RANBP17: variants seen among roughly 807,000 people sequenced by gnomAD.
The protein encoded by RANBP17 is ran-binding protein 17.
In RANBP17, 158 loss-of-function variants were observed where a neutral mutation model predicts 141.2. The observed-to-expected ratio is 1.12, with a 90% CI of 0.98 to 1.28. The LOEUF is 1.28. Ranked by LOEUF, RANBP17 falls within the 50% of genes most tolerant of loss-of-function variation. The pLI, the probability that RANBP17 is intolerant of heterozygous loss-of-function variation, is 0.00. For synonymous variants in RANBP17, 430 were observed against 450.0 expected, an observed-to-expected ratio of 0.96 and a Z score of 0.56; for missense variants, 1,438 against 1,290.7, an observed-to-expected ratio of 1.11 and a Z score of -1.75.
At chr5:170,880,706 A>C (rs1307182198) in intron 2 of RANBP17, among the ~76,000 whole-genome samples, 1 of 152,246 alleles carries the variant, frequency 6.6e-6, no homozygotes, top group African/African-American at 2.4e-5. Context: ...CATTACATAA[A>C]AAGCACATTG....
intron 14 of RANBP17, among the ~76,000 whole-genome samples, chr5:170,974,914 C>A (rs1481798950): frequency 6.6e-6 from 1 of 152,074 alleles, no homozygotes; most frequent in Non-Finnish European, 1.5e-5. Context: ...CCTGTGAGTA[C>A]CCATGGCCCT....
At chr5:170,960,867 C>T (rs1444154378) in intron 13 of RANBP17, among the ~76,000 whole-genome samples, 2 of 152,172 alleles carry the variant, frequency 1.3e-5, no homozygotes, top group African/African-American at 4.8e-5. Context: ...GAACATTATA[C>T]AGCTGAGTAG....
At position 171,265,725 on chromosome 5, in the gene RANBP17, G is replaced by A. The variant is rs141341938; in HGVS notation, c.2821G>A (p.Val941Ile). ...CTGCTGTACCAGTTTAGACTACATC[G>A]TCACCTACCTCTTCAAGCACATAGC... ...SSCCTSLDYI[V>I]TYLFKHIAKE... Residue 941 changes from valine to isoleucine, a missense_variant, in exon 25 of 28, where the codon GTC becomes ATC. Transcript: ENST00000523189. 1.9e-5 allele frequency: 31 copies of A among 1,613,858 alleles called. No individual in the cohort carries two copies. Among genetic ancestry groups the A allele is most frequent in the African/African-American group, 1.9e-4 (14 of 74,858 alleles).
chr5:170,871,927 C>A (rs951610683), intron 1 of RANBP17, among the ~76,000 whole-genome samples: 1 of 152,064 alleles, frequency 6.6e-6, no homozygotes, highest in African/African-American at 2.4e-5. Context: ...TGTAGCCTTG[C>A]AGTATAGTCT....
intron 18 of RANBP17, among the ~76,000 whole-genome samples, chr5:171,191,556 G>T (rs551025485): frequency 6.6e-6 from 1 of 152,012 alleles, no homozygotes; most frequent in African/African-American, 2.4e-5. Context: ...GCGTCATGGC[G>T]GGTCTCTGTA....
At chr5:171,088,142 T>A (rs1397550465) in intron 14 of RANBP17, among the ~76,000 whole-genome samples, 1 of 152,014 alleles carries the variant, frequency 6.6e-6, no homozygotes, top group East Asian at 1.9e-4. Context: ...CTTCAGGAGC[T>A]CTTTTAGGGC....
chr5:170,865,597 T>C lies in RANBP17; in HGVS notation c.18+3546T>C, dbSNP rs1341928783. 2.6e-5 allele frequency among the ~76,000 whole-genome samples: 4 copies of C among 152,118 alleles called. No individual in the cohort carries two copies. In the South Asian group the frequency reaches 6.2e-4, roughly 24 times the overall value. On this transcript the variant is annotated intron_variant, in intron 1 of 27. Transcript: ENST00000523189. The stretch of plus-strand genomic sequence containing the variant: ...AAAATATTGCTTGATCTACTGTCTG[T>C]GAATATCAGGGGGAGGTGTTGAGTT...
At chr5:171,210,109 G>T (rs1443226948) in intron 20 of RANBP17, among the ~76,000 whole-genome samples, 2 of 152,176 alleles carry the variant, frequency 1.3e-5, no homozygotes, top group African/African-American at 4.8e-5. Flanking sequence ...TCATAGAGAA[G>T]ATCTCAGTGA....
intron 14 of RANBP17, among the ~76,000 whole-genome samples, chr5:171,120,529 A>T (rs1755958349): frequency 2.0e-5 from 3 of 151,712 alleles, no homozygotes; most frequent in South Asian, 4.2e-4. Context: ...TTTTCATTTC[A>T]CTCATTGACT....
intron 14 of RANBP17, among the ~76,000 whole-genome samples, chr5:171,008,740 G>T (rs1309923941): frequency 6.6e-6 from 1 of 152,160 alleles, no homozygotes; most frequent in Non-Finnish European, 1.5e-5. Flanking sequence ...ATCAGTTAAG[G>T]CTATTTTCAT....
chr5:171,270,586 C>G (rs1262029465), intron 25 of RANBP17, among the ~76,000 whole-genome samples: 2 of 152,066 alleles, frequency 1.3e-5, no homozygotes, highest in Non-Finnish European at 2.9e-5. Flanking sequence ...TCAGTTTCGT[C>G]ACTGATCAGT....
chr5:171,088,583 G>A (rs956330140), intron 14 of RANBP17, among the ~76,000 whole-genome samples: 23 of 152,192 alleles, frequency 1.5e-4, no homozygotes, highest in Non-Finnish European at 2.6e-4. Flanking sequence ...CATTCTCCCC[G>A]TCACTTTCAG....
At chr5:171,271,454 G>C (rs1300449135) in intron 25 of RANBP17, 1 of 209,572 alleles carries the variant, frequency 4.8e-6, no homozygotes, top group African/African-American at 2.3e-5. Context: ...CTGATGTTGA[G>C]ATTTTGGCCT....
At chr5:170,943,913 A>G (rs1774544051) in intron 12 of RANBP17, among the ~76,000 whole-genome samples, 1 of 152,190 alleles carries the variant, frequency 6.6e-6, no homozygotes, top group African/African-American at 2.4e-5. Context: ...TTTAGCAAAT[A>G]AAGTATTACT....
At chr5:171,175,546 C>T (rs996010650) in intron 16 of RANBP17, among the ~76,000 whole-genome samples, 2 of 151,890 alleles carry the variant, frequency 1.3e-5, no homozygotes, top group Admixed American at 6.6e-5. Context: ...TCTGACAAGG[C>T]TAATATCCAG....
At chr5:171,213,993 T>C (rs977322210) in intron 21 of RANBP17, among the ~76,000 whole-genome samples, 4 of 152,196 alleles carry the variant, frequency 2.6e-5, no homozygotes, top group Non-Finnish European at 5.9e-5. Context: ...GCCACCATTA[T>C]TTAAAAATTC....
At chr5:171,084,074 T>C (rs1785451355) in intron 14 of RANBP17, among the ~76,000 whole-genome samples, 2 of 149,088 alleles carry the variant, frequency 1.3e-5, no homozygotes, top group African/African-American at 4.9e-5. Flanking sequence ...ACTCGTCATC[T>C]AGCATTAGGT....
At chr5:171,179,928 A>G (rs1222188614) in intron 16 of RANBP17, among the ~76,000 whole-genome samples, 1 of 152,128 alleles carries the variant, frequency 6.6e-6, no homozygotes, top group Non-Finnish European at 1.5e-5. Context: ...TCAATTTAGT[A>G]TCCTCCTTTT....
intron 14 of RANBP17, among the ~76,000 whole-genome samples, chr5:170,983,549 T>C (rs1421144258): frequency 6.6e-6 from 1 of 152,200 alleles, no homozygotes; most frequent in Non-Finnish European, 1.5e-5. Context: ...AATAGCTCTG[T>C]CTGCCTGTTT....
Sources: gnomAD v4.1 joint callset for allele counts (sites outside exome capture counted in the v4.1 genomes callset) on GRCh38, gnomAD v4.1.1 for gene constraint, MANE v1.5 for transcripts, NCBI Gene and HGNC (gene_info 2026-07-23, HGNC 2026-07-21) for gene names.